Variants in EML6 observed in about 807,000 individuals in gnomAD.
EML6 encodes EMAP like 6, also known as echinoderm microtubule-associated protein-like 6.
In EML6, 154 loss-of-function variants were observed where a neutral mutation model predicts 240.1. That is an observed-to-expected ratio of 0.64 (90% CI 0.56 to 0.73). EML6 has a LOEUF of 0.73. Among genes scored for constraint, EML6 ranks in the 30% least tolerant of loss-of-function variants. The pLI, the probability that EML6 is intolerant of heterozygous loss-of-function variation, is 0.00. For missense variants in EML6, 2,964 were observed against 2,474.6 expected (o/e 1.20, Z -4.20); for synonymous variants, 1,148 against 899.0 (o/e 1.28, Z -4.95).
At chr2:54,785,472 T>C (rs1478251606) in intron 2 of EML6, among the ~76,000 whole-genome samples, 8 of 152,202 alleles carry the variant, frequency 5.3e-5, no homozygotes, top group Non-Finnish European at 1.2e-4. Context: ...TGTGAGCCAC[T>C]GTGCCTGGCC....
chr2:54,752,986 A>T (rs1231038988), intron 2 of EML6, among the ~76,000 whole-genome samples: 1 of 152,160 alleles, frequency 6.6e-6, no homozygotes, highest in African/African-American at 2.4e-5. Context: ...GCGGGGTTTC[A>T]CCATGTTGGC....
In EML6 at chr2:54,774,131, A is replaced by C. The variant is rs1349180134; in HGVS notation, c.198-39101A>C. On this transcript the variant is annotated intron_variant, in intron 2 of 41. Coordinates refer to ENST00000356458, the MANE Select transcript of EML6 (RefSeq NM_001039753.4). The surrounding 1 kb of genome is among the most constrained non-coding windows in gnomAD (Gnocchi z 4.1). ...GCATGGTTGAATGGCCACACCCAGC[A>C]GACTCCAAGGGAAGCTAGGAAATGT... 6.6e-6 allele frequency among the ~76,000 whole-genome samples: 1 copy of C among 152,200 alleles called. No homozygotes were observed. The highest frequency in any genetic ancestry group is 1.5e-5 in the Non-Finnish European group (1 of 68,028).
At chr2:54,859,434 T>G in intron 11 of EML6, 100 bp from the exon 12 acceptor site, 1 of 883,758 alleles carries the variant, frequency 1.1e-6, no homozygotes, top group Non-Finnish European at 1.7e-6. Flanking sequence ...TCAGATATAT[T>G]TAAAGATTTT....
chr2:54,920,287 CAAA>C (rs1306695750), intron 26 of EML6, among the ~76,000 whole-genome samples: 1 of 150,680 alleles, frequency 6.6e-6, no homozygotes, highest in African/African-American at 2.4e-5. Flanking sequence ...CTAGACTAGC[CAAA>C]AAAAGGACTC....
chr2:54,933,077 G>A (rs558541577), intron 28 of EML6, among the ~76,000 whole-genome samples: 2 of 152,092 alleles, frequency 1.3e-5, no homozygotes, highest in Admixed American at 1.3e-4. Flanking sequence ...CTTCCTCTGG[G>A]TTATTACAGT....
At chr2:54,797,177 A>AAAAAAACAAAAAAAAC (rs1669850326) in intron 2 of EML6, among the ~76,000 whole-genome samples, 1 of 132,688 alleles carries the variant, frequency 7.5e-6, no homozygotes, top group African/African-American at 2.9e-5. Context: ...AAAAAAAAAA[A>AAAAAAACAAAAAAAAC]AAAAAAAAAA....
At chr2:54,893,620 A>T (rs1277503052) in intron 19 of EML6, among the ~76,000 whole-genome samples, 1 of 152,152 alleles carries the variant, frequency 6.6e-6, no homozygotes, top group South Asian at 2.1e-4. Context: ...TTATTCAATC[A>T]ACTTGCCAGC....
intron 28 of EML6, among the ~76,000 whole-genome samples, chr2:54,932,036 C>T (rs141283784): frequency 2.0e-5 from 3 of 152,144 alleles, no homozygotes; most frequent in Admixed American, 2.0e-4. Context: ...GATTTCAGAT[C>T]CTGCTTCTTT....
intron 14 of EML6, chr2:54,867,495 A>G (rs1158650614): frequency 1.3e-5 from 2 of 152,248 alleles, no homozygotes; most frequent in African/African-American, 4.8e-5. Flanking sequence ...GACCAGACAC[A>G]GTGGCTCACA....
chr2:54,908,586 C>G (rs541241420), intron 24 of EML6, among the ~76,000 whole-genome samples: 2 of 152,294 alleles, frequency 1.3e-5, no homozygotes, highest in African/African-American at 2.4e-5. Flanking sequence ...AGCAGTTCCT[C>G]TCCCCTCCTC....
At chr2:54,901,984 A>G (rs1195508929) in intron 22 of EML6, among the ~76,000 whole-genome samples, 1 of 152,230 alleles carries the variant, frequency 6.6e-6, no homozygotes, top group Non-Finnish European at 1.5e-5. Context: ...CCTAGTGCCA[A>G]TTAGTTTTCC....
intron 24 of EML6, among the ~76,000 whole-genome samples, chr2:54,903,791 C>T (rs1054579678): frequency 2.0e-5 from 3 of 152,204 alleles, no homozygotes; most frequent in African/African-American, 7.2e-5. Context: ...CAAGCCACCA[C>T]CTCACCTTTA....
At chr2:54,964,396 G>A (rs865778445) in intron 37 of EML6, among the ~76,000 whole-genome samples, 175 bp from the exon 38 acceptor site, 2 of 152,174 alleles carry the variant, frequency 1.3e-5, no homozygotes, top group Non-Finnish European at 1.5e-5. Flanking sequence ...CCGGGGATTC[G>A]ATCCAGATAA....
chr2:54,812,050 C>G (rs1667873156), intron 2 of EML6, among the ~76,000 whole-genome samples: 1 of 152,168 alleles, frequency 6.6e-6, no homozygotes, highest in Non-Finnish European at 1.5e-5. Context: ...TATATTCACA[C>G]AGGCATGTTT....
At chr2:54,855,304 C>CAGAGCAGGAGCAAGACAGAGCT (rs1670312705) in intron 11 of EML6, among the ~76,000 whole-genome samples, 5 of 152,016 alleles carry the variant, frequency 3.3e-5, no homozygotes, top group Non-Finnish European at 7.4e-5. Flanking sequence ...GTCACAAAGC[C>CAGAGCAGGAGCAAGACAGAGCT]AGAGCAGGAG....
chr2:54,809,856 T>G (rs1026332243), intron 2 of EML6, among the ~76,000 whole-genome samples: 2 of 152,184 alleles, frequency 1.3e-5, no homozygotes, highest in African/African-American at 4.8e-5. Context: ...AAATGCCATT[T>G]GGCTGTGCCC....
At chr2:54,847,287 CA>C (rs1300955785) in intron 8 of EML6, among the ~76,000 whole-genome samples, 198 bp from the exon 9 acceptor site, 4 of 152,148 alleles carry the variant, frequency 2.6e-5, no homozygotes, top group Non-Finnish European at 1.5e-5. Context: ...TGGTTTCCTT[CA>C]AATCATGAAA....
chr2:54,724,350 C>G lies in EML6; in HGVS notation c.-513-199C>G, dbSNP rs1047915294. The stretch of plus-strand genomic sequence containing the variant: ...GGAAACAGCAAGCGTTCCTTCAAAT[C>G]GCATCAGCAACTGCCAGGCAGCAGC... On this transcript the variant is annotated intron_variant, in intron 1 of 41. Transcript: ENST00000356458. The surrounding 1 kb of genome is among the most constrained non-coding windows in gnomAD (Gnocchi z 5.2). 2.0e-5 allele frequency among the ~76,000 whole-genome samples: 3 copies of G among 152,082 alleles called. No individual in the cohort carries two copies. The highest frequency in any genetic ancestry group is 1.3e-4 in the Admixed American group (2 of 15,282).
intron 5 of EML6, among the ~76,000 whole-genome samples, chr2:54,827,305 C>G (rs1232428950): frequency 6.6e-6 from 1 of 152,136 alleles, no homozygotes; most frequent in Non-Finnish European, 1.5e-5. Context: ...ATTAAATCAC[C>G]ATTAAACAAT....
Sources: gnomAD v4.1 joint callset for allele counts (sites outside exome capture counted in the v4.1 genomes callset) on GRCh38, gnomAD v4.1.1 for gene constraint, Gnocchi (gnomAD v3.1) non-coding constraint, MANE v1.5 for transcripts, NCBI Gene and HGNC (gene_info 2026-07-23, HGNC 2026-07-21) for gene names.